The following TINAG variants were observed in gnomAD, a reference collection of about 807,000 sequenced individuals.
The protein encoded by TINAG is tubulointerstitial nephritis antigen.
TINAG carries 83 observed loss-of-function variants against 72.7 expected under a neutral mutation model. The ratio of observed to expected loss-of-function variants is 1.14; its 90% CI spans 0.96 to 1.37. The LOEUF (loss-of-function observed/expected upper bound fraction) is 1.37. TINAG is among the 40% of genes most tolerant of loss of function. The pLI is 0.00. For missense variants in TINAG, 685 were observed against 576.6 expected (o/e 1.19, Z -1.93); for synonymous variants, 234 against 189.9 (o/e 1.23, Z -1.91).
At chr6:54,355,288 A>G (rs1562169962) in intron 9 of TINAG, among the ~76,000 whole-genome samples, 1 of 151,892 alleles carries the variant, frequency 6.6e-6, no homozygotes, top group Non-Finnish European at 1.5e-5. Flanking sequence ...GTTCAAATGA[A>G]ATGCTACAAA....
intron 1 of TINAG, among the ~76,000 whole-genome samples, chr6:54,317,196 T>C (rs929964550): frequency 1.3e-5 from 2 of 152,110 alleles, no homozygotes; most frequent in Non-Finnish European, 2.9e-5. Context: ...CATCTTCTCT[T>C]ATCTTTTCAA....
chr6:54,317,083 C>T (rs1011313589), intron 1 of TINAG, among the ~76,000 whole-genome samples: 3 of 151,944 alleles, frequency 2.0e-5, no homozygotes, highest in Admixed American at 6.6e-5. Flanking sequence ...GTAAAGCTAC[C>T]GGACAGGAAT....
At chr6:54,336,552 C>G (rs537182617) in intron 4 of TINAG, among the ~76,000 whole-genome samples, 1 of 152,134 alleles carries the variant, frequency 6.6e-6, no homozygotes, top group East Asian at 1.9e-4. Context: ...CACCAAGAAG[C>G]TTCACTGTGT....
At chr6:54,323,396 C>G (rs1396761889) in intron 3 of TINAG, among the ~76,000 whole-genome samples, 1 of 152,132 alleles carries the variant, frequency 6.6e-6, no homozygotes, top group Admixed American at 6.5e-5. Flanking sequence ...CTTCATTATG[C>G]TCAAATTGTT....
In TINAG at chr6:54,320,560, T is replaced by C; in HGVS notation, c.356-19T>C. On this transcript the variant is annotated intron_variant, in intron 1 of 10. Transcript: ENST00000259782. ...TACTTAGTTTAGCATTTTCATTTCTTTACATGTTACTTTGACAGGTTGCTT... is the reference window on the plus strand; with the variant it reads ...TACTTAGTTTAGCATTTTCATTTCTCTACATGTTACTTTGACAGGTTGCTT... 1 of 1,586,888 alleles carries C rather than the reference T, an allele frequency of 6.3e-7. No homozygotes were observed. The highest frequency in any genetic ancestry group is 8.6e-7 in the Non-Finnish European group (1 of 1,165,056).
At chr6:54,363,453 G>C (rs913536050) in intron 9 of TINAG, among the ~76,000 whole-genome samples, 1 of 151,294 alleles carries the variant, frequency 6.6e-6, no homozygotes, top group Non-Finnish European at 1.5e-5. Context: ...AAAGCTGTAA[G>C]ACATGATGTG....
intron 4 of TINAG, among the ~76,000 whole-genome samples, chr6:54,333,602 A>T (rs1052706880): frequency 6.6e-6 from 1 of 152,098 alleles, no homozygotes; most frequent in Admixed American, 6.6e-5. Context: ...TGTATCCCAG[A>T]ACTTGAAGTA....
At chr6:54,376,195 T>C (rs1176200399) in intron 9 of TINAG, among the ~76,000 whole-genome samples, 2 of 152,192 alleles carry the variant, frequency 1.3e-5, no homozygotes, top group Non-Finnish European at 2.9e-5. Context: ...TGTTAACTTG[T>C]AGAAATGTTC....
intron 9 of TINAG, among the ~76,000 whole-genome samples, chr6:54,357,105 G>C (rs1029060142): frequency 1.3e-4 from 20 of 151,852 alleles, no homozygotes; most frequent in Admixed American, 5.9e-4. Context: ...GCTATTTCAA[G>C]GTTATCAAAG....
chr6:54,386,611 G>T (rs906981057), intron 10 of TINAG, among the ~76,000 whole-genome samples: 3 of 151,848 alleles, frequency 2.0e-5, no homozygotes, highest in African/African-American at 7.3e-5. Flanking sequence ...AGACCATTAG[G>T]AAAAACAAAA....
At chr6:54,319,160 A>G (rs1317977433) in intron 1 of TINAG, among the ~76,000 whole-genome samples, 6 of 152,134 alleles carry the variant, frequency 3.9e-5, no homozygotes, top group African/African-American at 1.4e-4. Flanking sequence ...ATGAGGTATG[A>G]TTAAAAATCA....
At chr6:54,324,642 C>T (rs575534804) in intron 3 of TINAG, among the ~76,000 whole-genome samples, 71 of 152,318 alleles carry the variant, frequency 4.7e-4, no homozygotes, top group African/African-American at 1.7e-3. Context: ...TGATTAACTT[C>T]TACCTATTCT....
rs538894036 is a variant in TINAG at position 54,308,505 on chromosome 6, G to T, written c.-46G>T. On this transcript the variant is annotated 5_prime_UTR_variant, in exon 1 of 11. Transcript: ENST00000259782. ...CAAGGAGAAGCCCACAAGGCTAAGG[G>T]TATTGGATATAACGGAAAGTGGAAG... 9.9e-6 allele frequency: 15 copies of T among 1,516,530 alleles called. No individual in the cohort carries two copies. The Admixed American group carries it at 1.3e-4, about 13-fold the overall frequency. The allele number at this position is 1,516,530 out of a possible 1,614,324, so 93.9% of individuals were successfully genotyped here.
chr6:54,327,917 A>G (rs1784646221), intron 4 of TINAG, among the ~76,000 whole-genome samples: 1 of 152,256 alleles, frequency 6.6e-6, no homozygotes, highest in South Asian at 2.1e-4. Context: ...GCCTCTCTAG[A>G]TTCCTCCTGT....
rs1006810486 is a variant in TINAG, at chr6:54,327,067, G to C, written c.624+151G>C. On this transcript the variant is annotated intron_variant, in intron 4 of 10. Coordinates refer to ENST00000259782, the MANE Select transcript of TINAG (RefSeq NM_014464.4). ...AAATAAAAAACCCTTTCCCTAAATG[G>C]TTGTTAAACCCCTCAAAAGTTTCAT... The C allele has an allele frequency of 5.2e-6, 8 of 1,544,710 alleles. No homozygotes were observed. In the Admixed American group the frequency reaches 1.6e-4, roughly 32 times the overall value.
intron 9 of TINAG, among the ~76,000 whole-genome samples, chr6:54,362,031 G>C (rs1356263155): frequency 6.6e-6 from 1 of 151,574 alleles, no homozygotes; most frequent in African/African-American, 2.4e-5. Flanking sequence ...GCTTAAGAAA[G>C]GAGGCCGTCT....
rs952609910 is a variant in TINAG, at chr6:54,351,379, C to A, written c.1108C>A (p.Gln370Lys). The change falls in exon 8 of 11, where the codon CAA (glutamine) becomes AAA (lysine). Residue 370 changes from glutamine (Q) to lysine (K), a missense_variant. Coordinates refer to ENST00000259782, the MANE Select transcript of TINAG (RefSeq NM_014464.4). ...NETEIMKEIM[Q>K]NGPVQAIMQV... ...AACTGAGATAATGAAAGAAATCATG[C>A]AAAATGGACCAGTTCAAGGTAAGCT... 8 of 1,610,016 alleles carry A rather than the reference C, an allele frequency of 5.0e-6. No homozygotes were observed. The highest frequency in any genetic ancestry group is 1.1e-5 in the South Asian group (1 of 90,906).
At chr6:54,385,674 A>T (rs55924825) in intron 10 of TINAG, among the ~76,000 whole-genome samples, 3 of 151,974 alleles carry the variant, frequency 2.0e-5, no homozygotes, top group African/African-American at 4.8e-5. Context: ...CCAAAACTTG[A>T]TAAGACAATA....
chr6:54,345,224 A>G (rs896487626), intron 5 of TINAG, among the ~76,000 whole-genome samples: 1 of 152,188 alleles, frequency 6.6e-6, no homozygotes, highest in Non-Finnish European at 1.5e-5. Flanking sequence ...TCATTCTTAA[A>G]TATTCTGACC....
Sources: allele counts gnomAD v4.1 joint callset (sites outside exome capture counted in the v4.1 genomes callset), GRCh38; gene constraint gnomAD v4.1.1; transcripts MANE v1.5; gene names NCBI Gene and HGNC (gene_info 2026-07-23, HGNC 2026-07-21).